C20orf96: variants seen among roughly 807,000 people sequenced by gnomAD.
The protein encoded by C20orf96 is uncharacterized protein C20orf96.
In C20orf96, 57 loss-of-function variants were observed where a neutral mutation model predicts 52.6. The ratio of observed to expected loss-of-function variants is 1.08; its 90% CI spans 0.88 to 1.35. The LOEUF (loss-of-function observed/expected upper bound fraction) is 1.35, where lower values mean the gene tolerates loss of function less well. Ranked by LOEUF, C20orf96 falls within the 40% of genes most tolerant of loss-of-function variation. The pLI, the probability that C20orf96 is intolerant of heterozygous loss-of-function variation, is 0.00. For missense variants in C20orf96, 478 were observed against 443.6 expected (o/e 1.08, Z -0.70); for synonymous variants, 168 against 157.2 (o/e 1.07, Z -0.51).
intron 10 of C20orf96, 109 bp from the exon 11 acceptor site, chr20:271,376 G>T: frequency 1.2e-6 from 1 of 819,072 alleles, no homozygotes; most frequent in African/African-American, 1.7e-5. Flanking sequence ...TTGGGTTGGG[G>T]GGCAATCCCA....
At chr20:288,917 C>G (rs2122332120) in intron 3 of C20orf96, among the ~76,000 whole-genome samples, 3 of 152,304 alleles carry the variant, frequency 2.0e-5, no homozygotes, top group Middle Eastern at 6.8e-3. Flanking sequence ...AACCAAGGCT[C>G]AGAGAGATGA....
chr20:272,352 A>G lies in C20orf96; in HGVS notation c.1032-1085T>C, dbSNP rs1387709445. ...TAAATCAAACTTACTGTCCAAGTCA[A>G]CTGTATGGTTTTTGTTTTGTTTTGT... On this transcript the variant is annotated intron_variant, in intron 10 of 10. Transcript: ENST00000360321. Among the ~76,000 whole-genome samples the G allele has an allele frequency of 2.6e-5, 4 of 151,864 alleles. No homozygotes were observed. In the South Asian group the frequency reaches 6.2e-4, roughly 24 times the overall value.
At chr20:288,695 T>C (rs1241841417) in intron 3 of C20orf96, among the ~76,000 whole-genome samples, 1 of 152,182 alleles carries the variant, frequency 6.6e-6, no homozygotes. Flanking sequence ...CCTTTCTGTG[T>C]TTCAGTGTTG....
chr20:280,936 C>CTCAAGGCCAGGAGT, intron 4 of C20orf96, among the ~76,000 whole-genome samples: 1 of 152,268 alleles, frequency 6.6e-6, no homozygotes, highest in East Asian at 1.9e-4. Flanking sequence ...GGGAGGATCA[C>CTCAAGGCCAGGAGT]TCAAGGCCAG....
chr20:288,891 A>G (rs1323507003), intron 3 of C20orf96, among the ~76,000 whole-genome samples: 3 of 152,182 alleles, frequency 2.0e-5, no homozygotes, highest in Non-Finnish European at 4.4e-5. Flanking sequence ...TAGTGTCCCC[A>G]TTTCACAAAT....
At chr20:279,397 G>C in intron 4 of C20orf96, 67 bp from the exon 5 acceptor site, 2 of 1,499,258 alleles carry the variant, frequency 1.3e-6, no homozygotes, top group South Asian at 2.5e-5. Context: ...CCGAAAGCCC[G>C]TGGACCCGCC....
intron 5 of C20orf96, among the ~76,000 whole-genome samples, 166 bp downstream of exon 5, chr20:279,006 G>T (rs1454632751): frequency 5.2e-5 from 1 of 19,164 alleles, no homozygotes; most frequent in African/African-American, 3.7e-4. Context: ...GACGGCGGGA[G>T]GGCGGGACGG....
In C20orf96 at chr20:275,958, G is replaced by A. The variant is rs1225770433; in HGVS notation, c.1031+10C>T. Reference sequence around the variant, plus strand: ...CTGGTTTAAGAGGCAGTGGCAAAAAGATCACATACTTGGGTCTCCGAAGCA... The same window carrying A: ...CTGGTTTAAGAGGCAGTGGCAAAAAAATCACATACTTGGGTCTCCGAAGCA... On this transcript the variant is annotated intron_variant, in intron 10 of 10. Coordinates refer to ENST00000360321, the MANE Select transcript of C20orf96 (RefSeq NM_153269.3). The A allele has an allele frequency of 6.2e-7, 1 of 1,612,616 alleles. No homozygotes were observed.
chr20:287,824 G>A (rs769223996), intron 3 of C20orf96, among the ~76,000 whole-genome samples: 28 of 146,784 alleles, frequency 1.9e-4, no homozygotes, highest in Non-Finnish European at 3.3e-4. Context: ...CAGGAGAATC[G>A]CTTGAACCCG....
intron 4 of C20orf96, 67 bp downstream of exon 4, chr20:283,896 T>C (rs1365005641): frequency 8.9e-7 from 1 of 1,121,858 alleles, no homozygotes; most frequent in Non-Finnish European, 1.4e-6. Flanking sequence ...TCTCAGCACA[T>C]GTTTGCTACA....
chr20:279,896 G>A (rs993069592), intron 4 of C20orf96, among the ~76,000 whole-genome samples: 2 of 152,112 alleles, frequency 1.3e-5, no homozygotes, highest in Admixed American at 6.6e-5. Context: ...CTTGAACCTG[G>A]GAGGCGGAGG....
At chr20:281,156 TA>T (rs937931320) in intron 4 of C20orf96, among the ~76,000 whole-genome samples, 1 of 152,018 alleles carries the variant, frequency 6.6e-6, no homozygotes, top group African/African-American at 2.4e-5. Context: ...AACTTGTCTC[TA>T]AAAGTAAATA....
intron 5 of C20orf96, among the ~76,000 whole-genome samples, chr20:278,873 T>C (rs1344136603): frequency 1.4e-4 from 15 of 106,656 alleles, no homozygotes; most frequent in African/African-American, 5.5e-4. Context: ...GTCTTCCAGG[T>C]GGAGGAAGCA....
At chr20:283,232 G>A (rs1225481462) in intron 4 of C20orf96, among the ~76,000 whole-genome samples, 3 of 152,136 alleles carry the variant, frequency 2.0e-5, no homozygotes, top group Non-Finnish European at 4.4e-5. Context: ...CAATTGTAGC[G>A]ATTGATGTGA....
intron 3 of C20orf96, among the ~76,000 whole-genome samples, chr20:288,398 G>A (rs1297505489): frequency 6.6e-6 from 1 of 152,012 alleles, no homozygotes; most frequent in Non-Finnish European, 1.5e-5. Flanking sequence ...CCCCAACTGG[G>A]ATAGTGCTGG....
In C20orf96 at chr20:277,131, G is replaced by A. The variant is rs763729699; in HGVS notation, c.738C>T (p.Asp246=). 6.2e-7 allele frequency: 1 copy of A among 1,613,878 alleles called. No homozygotes were observed. Among genetic ancestry groups the A allele is most frequent in the Non-Finnish European group, 8.5e-7 (1 of 1,179,878 alleles). ...VKDSQQDELD[D]LGEMRRKVLE... is the part of the protein sequence containing the mutation. ...GGACCTTTCTGCGCATCTCACCGAG[G>A]TCATCCAGCTCATCCTGGGAGCCAG... Residue 246 remains aspartate (D), a synonymous_variant, in exon 8 of 11, where the codon GAC becomes GAT. Coordinates refer to ENST00000360321, the MANE Select transcript of C20orf96 (RefSeq NM_153269.3).
chr20:279,393 G>A, intron 4 of C20orf96, 63 bp from the exon 5 acceptor site: 1 of 1,517,144 alleles, frequency 6.6e-7, no homozygotes, highest in South Asian at 1.2e-5. Flanking sequence ...GCCCCCGAAA[G>A]CCCGTGGACC....
intron 5 of C20orf96, 108 bp from the exon 6 acceptor site, chr20:278,537 C>T: frequency 1.3e-6 from 1 of 797,728 alleles, no homozygotes; most frequent in Middle Eastern, 2.7e-4. Context: ...CTCCCAGAAA[C>T]CTGACCAGAG....
intron 3 of C20orf96, among the ~76,000 whole-genome samples, chr20:284,849 T>C (rs151277486): frequency 1.3e-5 from 2 of 152,256 alleles, no homozygotes; most frequent in Non-Finnish European, 2.9e-5. Flanking sequence ...AGAGACTCTA[T>C]CTCAAAAAAT....
Sources: gnomAD v4.1 joint callset for allele counts (sites outside exome capture counted in the v4.1 genomes callset) on GRCh38, gnomAD v4.1.1 for gene constraint, MANE v1.5 for transcripts, NCBI Gene and HGNC (gene_info 2026-07-23, HGNC 2026-07-21) for gene names.